The following CS variants were observed in gnomAD, a reference collection of about 807,000 sequenced individuals.
CS encodes citrate synthase, mitochondrial.
Under a neutral mutation model 61.4 loss-of-function variants are expected in CS, and 13 were observed. The ratio of observed to expected loss-of-function variants is 0.21; its 90% CI spans 0.14 to 0.34. CS has a LOEUF of 0.34. Ranked by LOEUF, CS falls within the 10% of genes least tolerant of loss-of-function variation. The pLI is 1.00. For synonymous variants in CS, 159 were observed against 215.2 expected (o/e 0.74, Z 2.29); for missense variants, 278 against 573.4 (o/e 0.48, Z 5.26).
chr12:56,279,726 A>C (rs1340169945), intron 6 of CS, among the ~76,000 whole-genome samples: 1 of 151,934 alleles, frequency 6.6e-6, no homozygotes, highest in Non-Finnish European at 1.5e-5. Flanking sequence ...AGATCGCACC[A>C]CTGCACTCCA....
intron 1 of CS, among the ~76,000 whole-genome samples, chr12:56,292,330 G>A (rs865890444): frequency 1.1e-4 from 16 of 151,698 alleles, no homozygotes; most frequent in South Asian, 8.3e-4. Context: ...GGCAAAGCCT[G>A]CAGCGAGCCG....
intron 9 of CS, 24 bp from the exon 10 acceptor site, chr12:56,273,820 T>G (rs17118439): frequency 1.3e-6 from 2 of 1,573,290 alleles, no homozygotes; most frequent in African/African-American, 1.3e-5. Flanking sequence ...GGAAAAAAGA[T>G]AGTATTCTCA....
chr12:56,277,074 G>C (rs573377692), intron 6 of CS, among the ~76,000 whole-genome samples: 1 of 151,210 alleles, frequency 6.6e-6, no homozygotes, highest in Non-Finnish European at 1.5e-5. Flanking sequence ...GGTGTGGGCC[G>C]GCGCCTATAA....
In CS at chr12:56,276,208, G is replaced by A. The variant is rs775574661; in HGVS notation, c.589-13C>T. 4.3e-6 allele frequency: 7 copies of A among 1,611,928 alleles called. No individual in the cohort carries two copies. The highest frequency in any genetic ancestry group is 5.9e-6 in the Non-Finnish European group (7 of 1,178,310). On this transcript the variant is annotated splice_polypyrimidine_tract_variant and intron_variant, in intron 6 of 10. Transcript: ENST00000351328. ...CTTCATAAATCAACTGACAGAAGAG[G>A]AGCAAGATGGAGAAAAAAAAAGGAA... is the stretch of plus-strand genomic sequence containing the variant.
chr12:56,281,665 T>G (rs2135915147), intron 6 of CS, among the ~76,000 whole-genome samples: 1 of 152,288 alleles, frequency 6.6e-6, no homozygotes, highest in East Asian at 1.9e-4. Context: ...AGTCACATCC[T>G]TTTCTTTTCT....
Position 56,275,978 on chromosome 12 carries a change from T to C in CS, c.788+18A>G, listed in dbSNP as rs776724450. On this transcript the variant is annotated intron_variant, in intron 7 of 10. Coordinates refer to ENST00000351328, the MANE Select transcript of CS (RefSeq NM_004077.3). ...CAATTGAGGCACCTAGTGGCTGTGG[T>C]TGCTGGGTCTAGCTTACCTGTGGAT... The C allele has an allele frequency of 6.2e-7, 1 of 1,612,434 alleles. No individual in the cohort carries two copies. Among genetic ancestry groups the C allele is most frequent in the South Asian group, 1.1e-5 (1 of 91,024 alleles).
intron 6 of CS, among the ~76,000 whole-genome samples, chr12:56,280,635 TA>T (rs1565620667): frequency 6.6e-6 from 1 of 151,014 alleles, no homozygotes; most frequent in African/African-American, 2.4e-5. Context: ...TCTAAAAAAA[TA>T]AAAATAAAAA....
chr12:56,289,160 C>T (rs1400628926), intron 1 of CS, among the ~76,000 whole-genome samples: 3 of 152,200 alleles, frequency 2.0e-5, no homozygotes, highest in Non-Finnish European at 2.9e-5. Flanking sequence ...ACAAACAGCC[C>T]TTCATAGCCC....
intron 1 of CS, chr12:56,291,291 G>A: frequency 9.8e-7 from 1 of 1,025,382 alleles, no homozygotes. Flanking sequence ...AGAGGTGAAT[G>A]GATAATTCCT....
chr12:56,299,944 C>G (rs1002696649), intron 1 of CS: 7 of 500,836 alleles, frequency 1.4e-5, no homozygotes, highest in Non-Finnish European at 2.5e-5. Flanking sequence ...GACTGCGGGC[C>G]GAGGGCGGGC....
At position 56,282,456 on chromosome 12, in the gene CS, T is replaced by G. The variant is rs780339659; in HGVS notation, c.552A>C (p.Ala184=). The G allele has an allele frequency of 1.9e-6, 3 of 1,612,970 alleles. No homozygotes were observed. Among genetic ancestry groups the G allele is most frequent in the Non-Finnish European group, 2.5e-6 (3 of 1,179,768 alleles). ...ALNSESNFAR[A]YAQGISRTKY... ...TGGTTCGGCTGATACCCTGTGCATA[T>G]GCTCGGGCAAAGTTACTTTCACTGT... Residue 184 remains alanine (A), a synonymous_variant, in exon 6 of 11, where the codon GCA becomes GCC. Coordinates refer to ENST00000351328, the MANE Select transcript of CS (RefSeq NM_004077.3).
intron 1 of CS, chr12:56,291,097 AT>A (rs1873110352): frequency 1.2e-5 from 5 of 420,078 alleles, no homozygotes; most frequent in South Asian, 1.1e-4. Flanking sequence ...ATAAAAGCCA[AT>A]TTCAGAGTAG....
At chr12:56,299,275 G>A (rs1477309700) in intron 1 of CS, among the ~76,000 whole-genome samples, 1 of 152,100 alleles carries the variant, frequency 6.6e-6, no homozygotes, top group Non-Finnish European at 1.5e-5. Flanking sequence ...ATTTGAAATT[G>A]AAGGCATCAT....
At chr12:56,274,430 C>T (rs915642722) in intron 9 of CS, 7 of 186,788 alleles carry the variant, frequency 3.7e-5, no homozygotes, top group Non-Finnish European at 6.6e-5. Flanking sequence ...AGATTATAAG[C>T]GTGAGCCACC....
intron 2 of CS, 101 bp downstream of exon 2, chr12:56,286,494 T>TA (rs1289930784): frequency 7.0e-6 from 6 of 859,024 alleles, no homozygotes; most frequent in Non-Finnish European, 1.2e-5. Context: ...TTCCAGGAAA[T>TA]ACTCAGGATA....
intron 1 of CS, among the ~76,000 whole-genome samples, chr12:56,297,444 T>C (rs756647769): frequency 2.0e-5 from 3 of 152,150 alleles, no homozygotes; most frequent in Non-Finnish European, 4.4e-5. Context: ...ACAGTGAGAG[T>C]AGAACAATAG....
At position 56,279,850 on chromosome 12, in the gene CS, C is replaced by T. The variant is rs111366750; in HGVS notation, c.588+2570G>A. Among the ~76,000 whole-genome samples, 260 of 151,740 alleles carry T rather than the reference C, an allele frequency of 1.7e-3. 3 individuals are homozygous for T. The highest frequency in any genetic ancestry group is 5.9e-3 in the African/African-American group (245 of 41,352). On this transcript the variant is annotated intron_variant, in intron 6 of 10. Coordinates refer to ENST00000351328, the MANE Select transcript of CS (RefSeq NM_004077.3). ...AGGCGTGGTGGTGCGCACCTGTAGT[C>T]CCAGCTACCGGGGAGGCTGAGGCAG...
Position 56,279,837 on chromosome 12 carries a change from G to A in CS, c.588+2583C>T, listed in dbSNP as rs542666231. On this transcript the variant is annotated intron_variant, in intron 6 of 10. Transcript: ENST00000351328. ...CCAAAAATTAGCCAGGCGTGGTGGT[G>A]CGCACCTGTAGTCCCAGCTACCGGG... Among the ~76,000 whole-genome samples the A allele has an allele frequency of 8.1e-5, 12 of 148,108 alleles. No individual in the cohort carries two copies. The East Asian group carries it at 2.4e-3, about 30-fold the overall frequency.
intron 1 of CS, among the ~76,000 whole-genome samples, chr12:56,297,503 G>A (rs374287588): frequency 3.3e-5 from 5 of 152,106 alleles, no homozygotes; most frequent in African/African-American, 4.8e-5. Context: ...AAAAAAATTC[G>A]CCAGTCTGGC....
Sources: allele counts gnomAD v4.1 joint callset (sites outside exome capture counted in the v4.1 genomes callset), GRCh38; gene constraint gnomAD v4.1.1; transcripts MANE v1.5; gene names NCBI Gene and HGNC (gene_info 2026-07-23, HGNC 2026-07-21).